Variants in ADD1 observed in about 807,000 individuals in gnomAD.
ADD1 encodes alpha-adducin.
ADD1 carries 24 observed loss-of-function variants against 80.5 expected under a neutral mutation model. The observed-to-expected ratio is 0.30, with a 90% CI of 0.22 to 0.42. The LOEUF (loss-of-function observed/expected upper bound fraction) is 0.42, where lower values mean the gene tolerates loss of function less well. Ranked by LOEUF, ADD1 falls within the 10% of genes least tolerant of loss-of-function variation. The pLI, the probability that ADD1 is intolerant of heterozygous loss-of-function variation, is 1.00. For missense variants in ADD1, 948 were observed against 1,019.0 expected (o/e 0.93, Z 0.95); for synonymous variants, 373 against 393.8 (o/e 0.95, Z 0.63).
At chr4:2,845,230 G>T (rs1402882247) in intron 1 of ADD1, among the ~76,000 whole-genome samples, 4 of 152,046 alleles carry the variant, frequency 2.6e-5, no homozygotes, top group African/African-American at 9.7e-5. Context: ...GCGCCACCAC[G>T]CCCAGCTAAT....
At chr4:2,920,143 G>A (rs543803131) in intron 14 of ADD1, among the ~76,000 whole-genome samples, 11 of 152,154 alleles carry the variant, frequency 7.2e-5, no homozygotes, top group East Asian at 1.9e-4. Flanking sequence ...ATGTAGTTAC[G>A]CAGTTTTGAG....
chr4:2,925,760 C>T (rs1461105431), intron 14 of ADD1, among the ~76,000 whole-genome samples: 3 of 152,206 alleles, frequency 2.0e-5, no homozygotes, highest in African/African-American at 7.2e-5. Context: ...GTGGCTCTGG[C>T]AGACTCTCTT....
rs865933044 is a variant in ADD1, at chr4:2,905,190, G to C, written c.1506+82G>C. 6.0e-5 allele frequency: 82 copies of C among 1,371,564 alleles called. No homozygotes were observed. In the Middle Eastern group the frequency reaches 2.4e-3, roughly 41 times the overall value. 85.0% of individuals were successfully genotyped at this position (1,371,564 alleles called of 1,614,324 possible). A position where few individuals can be genotyped will look rare whatever the true frequency, so the allele number is the denominator to read the frequency against. The stretch of plus-strand genomic sequence containing the variant: ...GGGCTTCGGAGGCTTTGGGAATCCA[G>C]CCTTTCTGACCCAGGTGTAAAGCGA... On this transcript the variant is annotated intron_variant, in intron 10 of 15. Transcript: ENST00000683351.
intron 13 of ADD1, 48 bp from the exon 14 acceptor site, chr4:2,914,836 C>A: frequency 6.5e-7 from 1 of 1,540,726 alleles, no homozygotes; most frequent in Non-Finnish European, 8.7e-7. Flanking sequence ...GAGGGAGAGT[C>A]CCCATCGGGC....
intron 4 of ADD1, 137 bp downstream of exon 4, chr4:2,884,803 C>T (rs972928661): frequency 2.8e-6 from 3 of 1,064,170 alleles, no homozygotes; most frequent in African/African-American, 3.2e-5. Context: ...TTCCTGACTA[C>T]AGAGTGTAAT....
intron 2 of ADD1, among the ~76,000 whole-genome samples, chr4:2,879,311 T>C (rs1731850852): frequency 6.6e-6 from 1 of 152,194 alleles, no homozygotes; most frequent in Admixed American, 6.5e-5. Flanking sequence ...TCTTTATGCA[T>C]AGGGCTCCTG....
intron 9 of ADD1, among the ~76,000 whole-genome samples, chr4:2,904,353 G>C (rs892658915): frequency 1.3e-5 from 2 of 152,150 alleles, no homozygotes; most frequent in Non-Finnish European, 2.9e-5. Flanking sequence ...AGGTTGTTTT[G>C]CATCTTCTGC....
intron 1 of ADD1, chr4:2,855,031 T>G (rs1033886175): frequency 2.0e-5 from 3 of 152,188 alleles, no homozygotes; most frequent in Admixed American, 2.0e-4. Context: ...GTGACCCAGG[T>G]CAGATTGGTT....
chr4:2,851,929 C>T (rs997352562), intron 1 of ADD1, among the ~76,000 whole-genome samples: 1 of 152,110 alleles, frequency 6.6e-6, no homozygotes, highest in Non-Finnish European at 1.5e-5. Context: ...GCAACCTCCG[C>T]CTCCCAGGTT....
At chr4:2,861,905 C>T (rs184113517) in intron 1 of ADD1, among the ~76,000 whole-genome samples, 21 of 152,276 alleles carry the variant, frequency 1.4e-4, no homozygotes, top group Non-Finnish European at 2.9e-5. Flanking sequence ...AACACAAATT[C>T]GTAAACTTTC....
intron 1 of ADD1, among the ~76,000 whole-genome samples, chr4:2,847,980 C>G (rs1005190879): frequency 4.6e-5 from 7 of 151,950 alleles, no homozygotes; most frequent in Non-Finnish European, 1.0e-4. Flanking sequence ...TTTGGGAGGC[C>G]GAGGCAGGTG....
At position 2,907,796 on chromosome 4, in the gene ADD1, T is replaced by A. The variant is rs1238899748; in HGVS notation, c.1560T>A (p.Phe520Leu). ...RTSTSAVPNL[F>L]VPLNTNPKEV... ...CCACCTCTGCTGTCCCTAACCTGTT[T>A]GTTCCATTGAACACTAACCCAAAAG... The change falls in exon 11 of 16, where the codon TTT (phenylalanine) becomes TTA (leucine). Residue 520 changes from phenylalanine to leucine, a missense_variant. Transcript: ENST00000683351. 6.2e-7 allele frequency: 1 copy of A among 1,614,188 alleles called. No individual in the cohort carries two copies. The highest frequency in any genetic ancestry group is 2.2e-5 in the East Asian group (1 of 44,888).
chr4:2,926,612 T>C lies in ADD1; in HGVS notation c.2047+500T>C. ...AATGCATAGATTCTCTCCTTGTGCT[T>C]TTTTCTCCCTGTGGCTGCGTCACAA... On this transcript the variant is annotated intron_variant, in intron 15 of 15. Transcript: ENST00000683351. This position sits in a 1 kb window ranked among gnomAD's most constrained non-coding sequence, Gnocchi z 5.0. The C allele has an allele frequency of 3.1e-6, 5 of 1,612,990 alleles. No individual in the cohort carries two copies. Among genetic ancestry groups the C allele is most frequent in the Non-Finnish European group, 4.2e-6 (5 of 1,179,498 alleles).
chr4:2,900,716 T>C (rs977861671), intron 9 of ADD1: 1 of 152,216 alleles, frequency 6.6e-6, no homozygotes, highest in Non-Finnish European at 1.5e-5. Flanking sequence ...TATTGTCCGC[T>C]AGAAAGGAGG....
chr4:2,882,842 C>A (rs192160922), intron 3 of ADD1, among the ~76,000 whole-genome samples: 1 of 152,230 alleles, frequency 6.6e-6, no homozygotes, highest in East Asian at 1.9e-4. Flanking sequence ...GGAAAGTTTT[C>A]ATGTGGATTC....
At chr4:2,881,089 T>TC (rs1244191939) in intron 2 of ADD1, among the ~76,000 whole-genome samples, 1 of 146,432 alleles carries the variant, frequency 6.8e-6, no homozygotes, top group African/African-American at 2.5e-5. Context: ...TTTTTTTTTT[T>TC]TTTTTTGAGA....
chr4:2,871,028 G>A (rs1223642893), intron 1 of ADD1, among the ~76,000 whole-genome samples: 1 of 151,262 alleles, frequency 6.6e-6, no homozygotes, highest in Non-Finnish European at 1.5e-5. Context: ...GAGTGCAGTG[G>A]CATGATCTTG....
intron 4 of ADD1, 54 bp downstream of exon 4, chr4:2,884,720 G>A (rs1247617862): frequency 5.3e-6 from 8 of 1,507,432 alleles, no homozygotes; most frequent in Non-Finnish European, 6.3e-6. Flanking sequence ...TTTGTGTCTG[G>A]CACCACCTCT....
intron 1 of ADD1, chr4:2,844,927 G>A (rs576615676): frequency 2.6e-5 from 4 of 152,326 alleles, no homozygotes; most frequent in African/African-American, 7.2e-5. Flanking sequence ...GTGTCTATGA[G>A]TAGAGGCGCC....
Sources: gnomAD v4.1 joint callset for allele counts (sites outside exome capture counted in the v4.1 genomes callset) on GRCh38, gnomAD v4.1.1 for gene constraint, Gnocchi (gnomAD v3.1) non-coding constraint, MANE v1.5 for transcripts, NCBI Gene and HGNC (gene_info 2026-07-23, HGNC 2026-07-21) for gene names.